Variants in ESRRG observed in about 807,000 individuals in gnomAD.
The protein encoded by ESRRG is estrogen-related receptor gamma.
ESRRG carries 13 observed loss-of-function variants against 44.0 expected under a neutral mutation model. That is an observed-to-expected ratio of 0.30 (90% CI 0.19 to 0.47). ESRRG has a LOEUF of 0.47. Among genes scored for constraint, ESRRG ranks in the 20% least tolerant of loss-of-function variants. The pLI is 1.00. For missense variants in ESRRG, 395 were observed against 580.6 expected, an observed-to-expected ratio of 0.68 and a Z score of 3.29; for synonymous variants, 215 against 214.6, an observed-to-expected ratio of 1.00 and a Z score of -0.02.
At chr1:217,049,457 A>G (rs1376268076) in intron 1 of ESRRG, among the ~76,000 whole-genome samples, 1 of 148,924 alleles carries the variant, frequency 6.7e-6, no homozygotes, top group Non-Finnish European at 1.5e-5. Flanking sequence ...AGACCAAAGC[A>G]TAACTAAAAG....
intron 2 of ESRRG, among the ~76,000 whole-genome samples, chr1:216,810,450 T>C (rs1183558302): frequency 2.0e-5 from 3 of 151,700 alleles, no homozygotes; most frequent in African/African-American, 7.3e-5. Flanking sequence ...GGCAAGACAG[T>C]ACACAAGGGG....
intron 1 of ESRRG, among the ~76,000 whole-genome samples, chr1:217,085,381 C>T (rs999279367): frequency 6.6e-6 from 1 of 151,278 alleles, no homozygotes; most frequent in African/African-American, 2.4e-5. Context: ...GGCACCACCA[C>T]TAATTCCAAT....
intron 1 of ESRRG, among the ~76,000 whole-genome samples, chr1:217,105,828 G>A (rs1262782258): frequency 6.6e-6 from 1 of 152,170 alleles, no homozygotes; most frequent in Non-Finnish European, 1.5e-5. Context: ...AGCATGCGAA[G>A]TTGGCTATGT....
intron 2 of ESRRG, among the ~76,000 whole-genome samples, chr1:216,865,704 T>C (rs1265649056): frequency 2.0e-5 from 3 of 152,206 alleles, no homozygotes; most frequent in African/African-American, 7.2e-5. Flanking sequence ...GATTTTACTT[T>C]CACCCCTTGA....
At chr1:216,826,408 A>G (rs2095396678) in intron 2 of ESRRG, among the ~76,000 whole-genome samples, 1 of 152,162 alleles carries the variant, frequency 6.6e-6, no homozygotes. Flanking sequence ...TGTTAGCTGC[A>G]TGATCTGGGC....
At chr1:216,772,517 G>C (rs558480269) in intron 2 of ESRRG, among the ~76,000 whole-genome samples, 1 of 152,190 alleles carries the variant, frequency 6.6e-6, no homozygotes, top group African/African-American at 2.4e-5. Flanking sequence ...ACTAACATAT[G>C]AACACTGATG....
intron 2 of ESRRG, among the ~76,000 whole-genome samples, chr1:216,839,045 A>T (rs1380204767): frequency 6.6e-6 from 1 of 152,176 alleles, no homozygotes; most frequent in Non-Finnish European, 1.5e-5. Context: ...CGCAGGGTAA[A>T]ACTTTGAAAG....
chr1:216,851,231 A>G (rs1417157148), intron 2 of ESRRG, among the ~76,000 whole-genome samples: 1 of 152,098 alleles, frequency 6.6e-6, no homozygotes, highest in Non-Finnish European at 1.5e-5. Flanking sequence ...CACTTCTCAG[A>G]GTGCCCACTC....
intron 1 of ESRRG, among the ~76,000 whole-genome samples, chr1:216,978,951 A>T (rs1438971614): frequency 6.6e-6 from 1 of 152,092 alleles, no homozygotes; most frequent in Non-Finnish European, 1.5e-5. Flanking sequence ...CACAGTGACC[A>T]TGTGCACATG....
At chr1:216,669,989 A>C (rs1421968492) in intron 2 of ESRRG, among the ~76,000 whole-genome samples, 4 of 152,196 alleles carry the variant, frequency 2.6e-5, no homozygotes, top group African/African-American at 9.7e-5. Context: ...ACTGATAATC[A>C]CTGCGATTCA....
At chr1:216,724,148 T>G (rs1241204238), upstream of ESRRG, among the ~76,000 whole-genome samples, 1 of 152,188 alleles carries the variant, frequency 6.6e-6, no homozygotes, top group Non-Finnish European at 1.5e-5. Flanking sequence ...ACAATACAAT[T>G]TGAAAGAATG....
At chr1:217,068,146 A>G (rs1158252781) in intron 1 of ESRRG, among the ~76,000 whole-genome samples, 2 of 152,184 alleles carry the variant, frequency 1.3e-5, no homozygotes, top group Admixed American at 6.5e-5. Flanking sequence ...TGCAATTTCC[A>G]TGCTACCACG....
chr1:216,790,443 A>G (rs1346706634), intron 2 of ESRRG, among the ~76,000 whole-genome samples: 1 of 152,166 alleles, frequency 6.6e-6, no homozygotes, highest in East Asian at 1.9e-4. Flanking sequence ...AACATAAAAG[A>G]TAAACTAATA....
chr1:216,518,089 T>C (rs1003412293), intron 6 of ESRRG, among the ~76,000 whole-genome samples: 9 of 152,104 alleles, frequency 5.9e-5, no homozygotes, highest in Non-Finnish European at 1.0e-4. Context: ...CTCATCTCAC[T>C]AGGACCGCGC....
At chr1:216,899,592 T>G (rs1354580986) in intron 2 of ESRRG, among the ~76,000 whole-genome samples, 1 of 152,206 alleles carries the variant, frequency 6.6e-6, no homozygotes, top group East Asian at 1.9e-4. Flanking sequence ...CTTCAACATG[T>G]GAACACTTAA....
intron 3 of ESRRG, among the ~76,000 whole-genome samples, chr1:216,649,495 CAT>C (rs748988739): frequency 6.8e-6 from 1 of 147,626 alleles, no homozygotes; most frequent in African/African-American, 2.4e-5. Flanking sequence ...TCTCTATATA[CAT>C]ATATATATAC....
At chr1:216,604,377 G>T (rs115265012) in intron 3 of ESRRG, among the ~76,000 whole-genome samples, 1,774 of 152,266 alleles carry the variant, frequency 0.012, 36 homozygotes, top group African/African-American at 0.04. Context: ...GCACAATGGG[G>T]CTTCATCTGA....
intron 1 of ESRRG, among the ~76,000 whole-genome samples, chr1:216,981,872 G>T (rs1215751348): frequency 1.3e-5 from 2 of 152,162 alleles, no homozygotes; most frequent in African/African-American, 4.8e-5. Context: ...CTGGCACCCT[G>T]TTCTCACCAT....
chr1:216,648,903 T>C (rs1010832077), intron 3 of ESRRG, among the ~76,000 whole-genome samples: 2 of 152,170 alleles, frequency 1.3e-5, no homozygotes, highest in African/African-American at 2.4e-5. Flanking sequence ...TTTGAGTCTC[T>C]ACAACAAAAC....
Sources: allele counts gnomAD v4.1 joint callset (sites outside exome capture counted in the v4.1 genomes callset), GRCh38; gene constraint gnomAD v4.1.1; transcripts MANE v1.5; gene names NCBI Gene and HGNC (gene_info 2026-07-23, HGNC 2026-07-21).